Variants in EML1 observed in about 807,000 individuals in gnomAD.
The protein encoded by EML1 is EMAP like 1, also known as echinoderm microtubule-associated protein-like 1.
Under a neutral mutation model 110.4 loss-of-function variants are expected in EML1, and 27 were observed. The observed-to-expected ratio is 0.24, with a 90% CI of 0.18 to 0.34. EML1 has a LOEUF of 0.34. EML1 is among the 10% of genes least tolerant of loss of function. EML1 has a pLI of 1.00. For missense variants in EML1, 741 were observed against 1,030.9 expected (o/e 0.72, Z 3.85); for synonymous variants, 344 against 385.8 (o/e 0.89, Z 1.27).
At chr14:99,891,982 G>A (rs1235730637) in intron 5 of EML1, among the ~76,000 whole-genome samples, 3 of 152,170 alleles carry the variant, frequency 2.0e-5, no homozygotes, top group Admixed American at 1.3e-4. Context: ...AGCTCGCAGG[G>A]CCACATTGTG....
chr14:99,747,137 G>C (rs137954318), intron 1 of EML1, among the ~76,000 whole-genome samples: 1 of 135,564 alleles, frequency 7.4e-6, no homozygotes, highest in African/African-American at 2.7e-5. Context: ...GCAGTGAGCC[G>C]AGATAGCGCC....
At chr14:99,807,056 C>T (rs137883112) in intron 1 of EML1, among the ~76,000 whole-genome samples, 2,756 of 152,106 alleles carry the variant, frequency 0.018, 44 homozygotes, top group Non-Finnish European at 0.029. Context: ...CGTTTGGCAC[C>T]GTTTGATGCC....
In EML1 at chr14:99,936,415, C is replaced by A; in HGVS notation, c.2095+81C>A. ...AGATCCAGGGGGCCTCTGTGAGAAC[C>A]CACCTCCTGTATGACTTAGGCACGT... On this transcript the variant is annotated intron_variant, in intron 19 of 21. Coordinates refer to ENST00000262233, the MANE Select transcript of EML1 (RefSeq NM_004434.3). The surrounding 1 kb of genome is among the most constrained non-coding windows in gnomAD (Gnocchi z 5.5). 1 of 1,305,284 alleles carries A rather than the reference C, an allele frequency of 7.7e-7. No homozygotes were observed. Among genetic ancestry groups the A allele is most frequent in the Non-Finnish European group, 1.1e-6 (1 of 916,128 alleles). 80.9% of individuals were successfully genotyped at this position (1,305,284 alleles called of 1,614,324 possible). A position where few individuals can be genotyped will look rare whatever the true frequency, so the allele number is the denominator to read the frequency against.
chr14:99,892,701 A>G (rs926761134), intron 5 of EML1, among the ~76,000 whole-genome samples: 1 of 152,262 alleles, frequency 6.6e-6, no homozygotes, highest in Non-Finnish European at 1.5e-5. Context: ...AAAATTCTGC[A>G]GTAAGTAAGC....
intron 1 of EML1, among the ~76,000 whole-genome samples, chr14:99,755,293 G>A (rs748370351): frequency 6.3e-4 from 96 of 152,340 alleles, no homozygotes; most frequent in South Asian, 1.9e-3. Context: ...TGGAGGCCCC[G>A]GGGAGCCTGG....
At position 99,937,950 on chromosome 14, in the gene EML1, A is replaced by T. The variant is rs1288529516; in HGVS notation, c.2191+38A>T. ...CAGATTTCACTGGTTCCAACAAAAG[A>T]GTGTCTCCTTTTAAAATATTTCTTC... On this transcript the variant is annotated intron_variant, in intron 20 of 21. Transcript: ENST00000262233. The T allele has an allele frequency of 3.2e-6, 5 of 1,579,962 alleles. 1 individual carries two copies. The South Asian group carries it at 3.3e-5, about 11-fold the overall frequency.
At chr14:99,891,694 A>G (rs898251110) in intron 5 of EML1, among the ~76,000 whole-genome samples, 3 of 152,236 alleles carry the variant, frequency 2.0e-5, no homozygotes, top group African/African-American at 7.2e-5. Flanking sequence ...CTAATAGTTC[A>G]TGTATATCTT....
chr14:99,759,160 T>A (rs1192343512), intron 1 of EML1, among the ~76,000 whole-genome samples: 2 of 152,178 alleles, frequency 1.3e-5, no homozygotes, highest in Non-Finnish European at 2.9e-5. Context: ...GGGTGGGACC[T>A]GGTTTTAGCA....
intron 13 of EML1, among the ~76,000 whole-genome samples, chr14:99,913,931 C>G (rs1385051186): frequency 6.6e-6 from 1 of 152,104 alleles, no homozygotes; most frequent in Non-Finnish European, 1.5e-5. Context: ...CTCAGGTGAT[C>G]CACCTGCTTC....
At chr14:99,937,377 G>A (rs1238852137) in intron 19 of EML1, among the ~76,000 whole-genome samples, 1 of 152,176 alleles carries the variant, frequency 6.6e-6, no homozygotes. Context: ...GAACACACAA[G>A]TCCCCTGGGA....
At chr14:99,815,092 G>A (rs189219234) in intron 1 of EML1, among the ~76,000 whole-genome samples, 41 of 151,496 alleles carry the variant, frequency 2.7e-4, no homozygotes, top group African/African-American at 9.2e-4. Flanking sequence ...TGATATCTGC[G>A]AGCTTGAGTT....
intron 3 of EML1, among the ~76,000 whole-genome samples, chr14:99,869,996 C>G (rs1478565528): frequency 6.6e-6 from 1 of 152,190 alleles, no homozygotes; most frequent in Non-Finnish European, 1.5e-5. Flanking sequence ...TTATAAATTA[C>G]CCAGCCTTGG....
rs368722481 is a variant in EML1 at position 99,914,353 on chromosome 14, A to G, written c.1620+49A>G. ...GGCAAACACTCTCATTTTGCATTAT[A>G]TCAGACCCTAATCAAGCATTACAAT... On this transcript the variant is annotated intron_variant, in intron 14 of 21. Coordinates refer to ENST00000262233, the MANE Select transcript of EML1 (RefSeq NM_004434.3). The G allele has an allele frequency of 6.9e-6, 11 of 1,588,458 alleles. No homozygotes were observed. The African/African-American group carries it at 9.4e-5, about 14-fold the overall frequency.
At chr14:99,932,118 C>T (rs114338992) in intron 17 of EML1, among the ~76,000 whole-genome samples, 12 of 152,238 alleles carry the variant, frequency 7.9e-5, no homozygotes, top group African/African-American at 2.9e-4. Context: ...ATTAGGGCCT[C>T]CTGGGCCATC....
rs150935875 is a variant in EML1, at chr14:99,917,458, C to T, written c.1753-324C>T. 3.7e-4 allele frequency among the ~76,000 whole-genome samples: 57 copies of T among 152,100 alleles called. 1 individual carries two copies. In the East Asian group the frequency reaches 4.1e-3, roughly 11 times the overall value. On this transcript the variant is annotated intron_variant, in intron 15 of 21. Coordinates refer to ENST00000262233, the MANE Select transcript of EML1 (RefSeq NM_004434.3). ...GGTGTGGTGACACACACCTGTAGTC[C>T]CAGCTGCTTCAGAGGCTGAGCCAGG...
At chr14:99,911,722 C>A in intron 13 of EML1, 146 bp downstream of exon 13, 1 of 915,610 alleles carries the variant, frequency 1.1e-6, no homozygotes, top group South Asian at 1.9e-5. Context: ...TATTAAAATC[C>A]TGAGGCAGGT....
intron 1 of EML1, among the ~76,000 whole-genome samples, chr14:99,778,975 G>A (rs1208240907): frequency 3.3e-5 from 5 of 152,172 alleles, no homozygotes; most frequent in Non-Finnish European, 7.3e-5. Context: ...CATTTGGTGG[G>A]TATAAATAAC....
intron 1 of EML1, among the ~76,000 whole-genome samples, chr14:99,847,138 A>G (rs1269838994): frequency 6.6e-6 from 1 of 152,170 alleles, no homozygotes; most frequent in Non-Finnish European, 1.5e-5. Context: ...TTCATTTCCA[A>G]ATATTTGTAG....
At chr14:99,934,567 G>A (rs1391117372) in intron 17 of EML1, among the ~76,000 whole-genome samples, 1 of 152,228 alleles carries the variant, frequency 6.6e-6, no homozygotes, top group Non-Finnish European at 1.5e-5. Flanking sequence ...TGAGCGCAAG[G>A]CCCTGTACAA....
Sources: allele counts gnomAD v4.1 joint callset (sites outside exome capture counted in the v4.1 genomes callset), GRCh38; gene constraint gnomAD v4.1.1; non-coding constraint Gnocchi (gnomAD v3.1); transcripts MANE v1.5; gene names NCBI Gene and HGNC (gene_info 2026-07-23, HGNC 2026-07-21).